Variants in ZBTB44 observed in about 807,000 individuals in gnomAD.
The protein encoded by ZBTB44 is zinc finger and BTB domain-containing protein 44.
In ZBTB44, 15 loss-of-function variants were observed where a neutral mutation model predicts 54.0. The observed-to-expected ratio is 0.28, with a 90% CI of 0.19 to 0.43. The LOEUF (loss-of-function observed/expected upper bound fraction) is 0.43, where lower values mean the gene tolerates loss of function less well. ZBTB44 is among the 20% of genes least tolerant of loss of function. The pLI is 1.00. For synonymous variants in ZBTB44, 230 were observed against 250.1 expected (o/e 0.92, Z 0.76); for missense variants, 487 against 707.1 (o/e 0.69, Z 3.53).
At chr11:130,281,481 C>A (rs574666768) in intron 1 of ZBTB44, among the ~76,000 whole-genome samples, 18 of 151,502 alleles carry the variant, frequency 1.2e-4, no homozygotes, top group South Asian at 8.3e-4. Flanking sequence ...GATTGTGCTA[C>A]TGCACTCTAG....
At chr11:130,271,647 A>G (rs1939677323) in intron 1 of ZBTB44, among the ~76,000 whole-genome samples, 1 of 152,222 alleles carries the variant, frequency 6.6e-6, no homozygotes, top group South Asian at 2.1e-4. Flanking sequence ...ATAATGTTCT[A>G]CCATGTATCA....
chr11:130,254,937 A>G (rs1346673641), intron 2 of ZBTB44, among the ~76,000 whole-genome samples: 1 of 152,088 alleles, frequency 6.6e-6, no homozygotes, highest in Non-Finnish European at 1.5e-5. Context: ...ACATGGATGA[A>G]GCTGGAAACC....
intron 1 of ZBTB44, among the ~76,000 whole-genome samples, chr11:130,302,550 A>G (rs1246697399): frequency 6.6e-6 from 1 of 152,208 alleles, no homozygotes; most frequent in African/African-American, 2.4e-5. Flanking sequence ...GAGCAGTGGG[A>G]AGGTCCAAAG....
chr11:130,305,806 G>A (rs967746713), intron 1 of ZBTB44, among the ~76,000 whole-genome samples: 2 of 152,056 alleles, frequency 1.3e-5, no homozygotes, highest in African/African-American at 4.8e-5. Context: ...GCAGAGTAAA[G>A]AGACAACCCA....
chr11:130,236,060 AAC>A, intron 5 of ZBTB44: 3 of 1,150,414 alleles, frequency 2.6e-6, no homozygotes, highest in Non-Finnish European at 3.3e-6. Flanking sequence ...AATTTAAAAC[AAC>A]AGTTTTATAT....
Position 130,261,940 on chromosome 11 carries a change from CATAAA to C in ZBTB44, c.-56-16_-56-12del. The C allele has an allele frequency of 1.4e-6, 2 of 1,449,534 alleles. No homozygotes were observed. The highest frequency in any genetic ancestry group is 1.8e-6 in the Non-Finnish European group (2 of 1,095,534). The allele number at this position is 1,449,534 out of a possible 1,614,324, so 89.8% of individuals were successfully genotyped here. A position where few individuals can be genotyped will look rare whatever the true frequency, so the allele number is the denominator to read the frequency against. ...TAAATCAGAAATGTCCTAAAAAATA[CATAAA>C]ATAAAGCATTAATTGATATTTTAGT... On this transcript the variant is annotated splice_polypyrimidine_tract_variant and intron_variant, in intron 1 of 7. Transcript: ENST00000357899. This position sits in a 1 kb window ranked among gnomAD's most constrained non-coding sequence, Gnocchi z 4.8.
At chr11:130,312,782 G>A (rs1942692160) in intron 1 of ZBTB44, among the ~76,000 whole-genome samples, 1 of 152,204 alleles carries the variant, frequency 6.6e-6, no homozygotes, top group African/African-American at 2.4e-5. Context: ...AGACACTTTG[G>A]AACAACTGAG....
chr11:130,299,190 A>T (rs1941853030), intron 1 of ZBTB44, among the ~76,000 whole-genome samples: 1 of 152,176 alleles, frequency 6.6e-6, no homozygotes, highest in Admixed American at 6.5e-5. Flanking sequence ...ACCAAGAAAG[A>T]TCATATGCTG....
chr11:130,274,405 A>T (rs1358409455), intron 1 of ZBTB44, among the ~76,000 whole-genome samples: 3 of 152,156 alleles, frequency 2.0e-5, no homozygotes, highest in Non-Finnish European at 4.4e-5. Flanking sequence ...TGTTAAACAG[A>T]AATAGCAAGA....
chr11:130,248,338 C>T (rs1937703366), intron 2 of ZBTB44, among the ~76,000 whole-genome samples: 1 of 152,098 alleles, frequency 6.6e-6, no homozygotes, highest in African/African-American at 2.4e-5. Flanking sequence ...GCCATGAAGG[C>T]AAGGAAAAAA....
chr11:130,289,155 T>G (rs941308716), intron 1 of ZBTB44, among the ~76,000 whole-genome samples: 1 of 151,880 alleles, frequency 6.6e-6, no homozygotes, highest in Non-Finnish European at 1.5e-5. Flanking sequence ...GAGGCAGGGG[T>G]CCCTTACCTG....
In ZBTB44 at chr11:130,261,036, G is replaced by T. The variant is rs1938826449; in HGVS notation, c.838C>A (p.Pro280Thr). Reference protein sequence around the residue: ...VTCESTKTTLPLGTEEDVRVK... With the variant: ...VTCESTKTTLTLGTEEDVRVK... ...CGGACATCTTCTTCGGTACCTAAAG[G>T]CAAGGTAGTTTTTGTGCTCTCACAA... Residue 280 changes from proline (P) to threonine (T), a missense_variant, in exon 2 of 8, where the codon CCT (proline) becomes ACT (threonine). Physicochemically the swap from Pro to Thr is conservative, Grantham distance 38. Coordinates refer to ENST00000357899, the MANE Select transcript of ZBTB44 (RefSeq NM_001301098.2). This position sits in a 1 kb window ranked among gnomAD's most constrained non-coding sequence, Gnocchi z 4.8. 13 of 1,613,918 alleles carry T rather than the reference G, an allele frequency of 8.1e-6. No homozygotes were observed. The highest frequency in any genetic ancestry group is 1.1e-5 in the Non-Finnish European group (13 of 1,179,892).
intron 1 of ZBTB44, among the ~76,000 whole-genome samples, chr11:130,307,594 T>A (rs936238582): frequency 2.0e-5 from 3 of 152,118 alleles, no homozygotes; most frequent in Admixed American, 1.3e-4. Context: ...GAAAATGATA[T>A]ACAATCATGC....
rs1472311280 is a variant in ZBTB44 at position 130,229,649 on chromosome 11, A to G, written c.*2115T>C. 1.3e-5 allele frequency: 2 copies of G among 152,186 alleles called. No individual in the cohort carries two copies. The highest frequency in any genetic ancestry group is 3.8e-4 in the East Asian group (2 of 5,202). 9.4% of individuals were successfully genotyped at this position (152,186 alleles called of 1,614,324 possible). ...AGTATGCTTAGTTTTAATATTCCTCATAGACATGTTTGCCACAACAGAGCT... is the reference window on the plus strand; with the variant it reads ...AGTATGCTTAGTTTTAATATTCCTCGTAGACATGTTTGCCACAACAGAGCT... On this transcript the variant is annotated 3_prime_UTR_variant, in exon 8 of 8. Transcript: ENST00000357899.
intron 2 of ZBTB44, among the ~76,000 whole-genome samples, chr11:130,252,173 CAAAG>C (rs1226102605): frequency 6.6e-6 from 1 of 152,082 alleles, no homozygotes; most frequent in African/African-American, 2.4e-5. Context: ...TCAAAAAAGA[CAAAG>C]AAGGGCATTA....
chr11:130,291,469 C>T (rs1941298619), intron 1 of ZBTB44, among the ~76,000 whole-genome samples: 1 of 152,100 alleles, frequency 6.6e-6, no homozygotes, highest in African/African-American at 2.4e-5. Context: ...TTCAGATGTA[C>T]TTTCAAATAT....
chr11:130,230,413 G>GTTTTTTTTT lies in ZBTB44; in HGVS notation c.*1342_*1350dup, dbSNP rs60251959. On this transcript the variant is annotated 3_prime_UTR_variant, in exon 8 of 8. Transcript: ENST00000357899. ...GGCAAAGTATTTTAACAAGATGAAA[G>GTTTTTTTTT]TTTTTTTTTTTTTTTTTTTTTGCTA... is the stretch of plus-strand genomic sequence containing the variant. 9.5e-6 allele frequency: 1 copy of GTTTTTTTTT among 105,414 alleles called. No individual in the cohort carries two copies. The highest frequency in any genetic ancestry group is 3.6e-5 in the African/African-American group (1 of 27,414). The allele number at this position is 105,414 out of a possible 1,614,324, so 6.5% of individuals were successfully genotyped here.
intron 1 of ZBTB44, among the ~76,000 whole-genome samples, chr11:130,313,515 A>AT (rs1942745051): frequency 6.6e-6 from 1 of 152,328 alleles, no homozygotes; most frequent in East Asian, 1.9e-4. Context: ...TTTATACAGT[A>AT]TTTTTTAAAC....
intron 1 of ZBTB44, among the ~76,000 whole-genome samples, chr11:130,274,348 CT>C (rs1212041043): frequency 1.3e-5 from 2 of 152,136 alleles, no homozygotes; most frequent in African/African-American, 4.8e-5. Context: ...AACTAGATGC[CT>C]TTTATTTATC....
Sources: gnomAD v4.1 joint callset for allele counts (sites outside exome capture counted in the v4.1 genomes callset) on GRCh38, gnomAD v4.1.1 for gene constraint, Gnocchi (gnomAD v3.1) non-coding constraint, MANE v1.5 for transcripts, NCBI Gene and HGNC (gene_info 2026-07-23, HGNC 2026-07-21) for gene names.